CAMSAP3: variants seen among roughly 807,000 people sequenced by gnomAD.
CAMSAP3 encodes calmodulin-regulated spectrin-associated protein 3.
A neutral mutation model predicts 112.5 loss-of-function variants in CAMSAP3; 34 were observed. That is an observed-to-expected ratio of 0.30 (90% CI 0.23 to 0.40). CAMSAP3 has a LOEUF of 0.40. CAMSAP3 is among the 10% of genes least tolerant of loss of function. The pLI, the probability that CAMSAP3 is intolerant of heterozygous loss-of-function variation, is 1.00. For missense variants in CAMSAP3, 1,602 were observed against 1,770.3 expected, an observed-to-expected ratio of 0.90 and a Z score of 1.71; for synonymous variants, 868 against 799.8, an observed-to-expected ratio of 1.09 and a Z score of -1.44.
chr19:7,598,490 G>A (rs959704186), intron 1 of CAMSAP3, among the ~76,000 whole-genome samples: 1 of 152,174 alleles, frequency 6.6e-6, no homozygotes, highest in African/African-American at 2.4e-5. Flanking sequence ...TGATGGCTCA[G>A]AGGAAGGGAT....
rs968541271 is a variant in CAMSAP3 at position 7,595,906 on chromosome 19, C to T, written c.-97C>T. 14 of 534,550 alleles carry T rather than the reference C, an allele frequency of 2.6e-5. No homozygotes were observed. In the East Asian group the frequency reaches 1.0e-3, roughly 38 times the overall value. The allele number at this position is 534,550 out of a possible 1,614,324, so 33.1% of individuals were successfully genotyped here. On this transcript the variant is annotated 5_prime_UTR_variant, in exon 1 of 17. Transcript: ENST00000160298. ...GCGGCGGCGGCGGCGGCGGCAGCGG[C>T]GGTAGCAGCAGCGGGCCCGGCTGGG... is the stretch of plus-strand genomic sequence containing the variant.
Position 7,607,562 on chromosome 19 carries a change from TC to T in CAMSAP3, c.622-563del, listed in dbSNP as rs2030281634. Among the ~76,000 whole-genome samples the T allele has an allele frequency of 6.6e-6, 1 of 152,074 alleles. No homozygotes were observed. The highest frequency in any genetic ancestry group is 2.4e-5 in the African/African-American group (1 of 41,414). On this transcript the variant is annotated intron_variant, in intron 4 of 16. Coordinates refer to ENST00000160298, the MANE Select transcript of CAMSAP3 (RefSeq NM_020902.2). The surrounding 1 kb of genome is among the most constrained non-coding windows in gnomAD (Gnocchi z 4.9). The stretch of plus-strand genomic sequence containing the variant: ...GTTCCCTTCCTGCCTACCCGCTTCC[TC>T]TGCATCCTCTCCCCAAGCTGGGGGC...
In CAMSAP3 at chr19:7,608,103, C is replaced by T. The variant is rs571937717; in HGVS notation, c.622-23C>T. 6.2e-6 allele frequency: 10 copies of T among 1,606,414 alleles called. No individual in the cohort carries two copies. In the South Asian group the frequency reaches 9.9e-5, roughly 16 times the overall value. On this transcript the variant is annotated intron_variant, in intron 4 of 16. Coordinates refer to ENST00000160298, the MANE Select transcript of CAMSAP3 (RefSeq NM_020902.2). The stretch of plus-strand genomic sequence containing the variant: ...CCCTGGGGGCCAGCCTGGCCACTCA[C>T]CTGACCTGGCTCCCATCTGCAGATC...
rs1296674291 is a variant in CAMSAP3, at chr19:7,612,605, C to G, written c.2112C>G (p.Ser704Arg). 1 of 1,530,944 alleles carries G rather than the reference C, an allele frequency of 6.5e-7. No individual in the cohort carries two copies. Among genetic ancestry groups the G allele is most frequent in the Admixed American group, 2.0e-5 (1 of 50,760 alleles). 94.8% of individuals were successfully genotyped at this position (1,530,944 alleles called of 1,614,324 possible). A position where few individuals can be genotyped will look rare whatever the true frequency, so the allele number is the denominator to read the frequency against. The change falls in exon 11 of 17, where the codon AGC becomes AGG. Residue 704 changes from serine to arginine, a missense_variant. This residue lies in a region of CAMSAP3 where 1,100 missense variants were observed against 1,135.7 expected (regional missense o/e 0.97). Transcript: ENST00000160298. The part of the protein sequence containing the change: ...EGLGEYNRAV[S>R]KLSAALSSLQ... The stretch of plus-strand genomic sequence containing the variant: ...TGGGGGAATACAATCGAGCGGTCAG[C>G]AAGCTGAGTGCCGCCTTGAGCTCGC...
Position 7,606,704 on chromosome 19 carries a change from C to T in CAMSAP3, c.621+133C>T, listed in dbSNP as rs1599351333. On this transcript the variant is annotated intron_variant, in intron 4 of 16. Transcript: ENST00000160298. Reference sequence around the variant, plus strand: ...ACACTCTCTCTTTCTTCCCCCCTCTCTCAATCTCTCTGTGCCCTGCCCGTC... The same window carrying T: ...ACACTCTCTCTTTCTTCCCCCCTCTTTCAATCTCTCTGTGCCCTGCCCGTC... 5.0e-6 allele frequency: 8 copies of T among 1,602,876 alleles called. No homozygotes were observed. In the East Asian group the frequency reaches 1.8e-4, roughly 36 times the overall value.
intron 11 of CAMSAP3, chr19:7,614,814 A>G: frequency 3.0e-6 from 1 of 338,612 alleles, no homozygotes; most frequent in Non-Finnish European, 5.6e-6. Context: ...TTAAATCCTG[A>G]TCATTCTACA....
chr19:7,605,463 A>G lies in CAMSAP3; in HGVS notation c.386A>G (p.His129Arg). Reference protein sequence around the residue: ...ERPVREADLRHQPILMGAHLA... With the variant: ...ERPVREADLRRQPILMGAHLA... ...CCGGTGCGCGAGGCCGACCTGAGGC[A>G]CCAGCCCATTCTCATGGTAGGCCCC... Residue 129 changes from histidine (H) to arginine (R), a missense_variant, in exon 2 of 17, where the codon CAC (histidine) becomes CGC (arginine). Transcript: ENST00000160298. 1 of 1,456,746 alleles carries G rather than the reference A, an allele frequency of 6.9e-7. No homozygotes were observed. The highest frequency in any genetic ancestry group is 2.6e-5 in the East Asian group (1 of 38,062). The allele number at this position is 1,456,746 out of a possible 1,614,324, so 90.2% of individuals were successfully genotyped here.
intron 14 of CAMSAP3, among the ~76,000 whole-genome samples, chr19:7,616,958 T>TTTTTTTTTTTA (rs2030840995): frequency 6.9e-6 from 1 of 145,312 alleles, no homozygotes; most frequent in Non-Finnish European, 1.5e-5. Context: ...TTTTTTTTTT[T>TTTTTTTTTTTA]GTTTTTTTGA....
intron 1 of CAMSAP3, among the ~76,000 whole-genome samples, chr19:7,602,789 G>A (rs2030025980): frequency 6.6e-6 from 1 of 152,058 alleles, no homozygotes; most frequent in African/African-American, 2.4e-5. Context: ...CCTGTGGGAG[G>A]AAGGTTTCTG....
intron 1 of CAMSAP3, among the ~76,000 whole-genome samples, chr19:7,598,096 G>T (rs2024475111): frequency 6.6e-6 from 1 of 152,126 alleles, no homozygotes; most frequent in Non-Finnish European, 1.5e-5. Flanking sequence ...GAGACGGCAG[G>T]GGATGGATAT....
chr19:7,613,135 C>T lies in CAMSAP3; in HGVS notation c.2642C>T (p.Pro881Leu). Residue 881 changes from proline (P) to leucine (L), a missense_variant, in exon 11 of 17, where the codon CCC (proline) becomes CTC (leucine). By Grantham distance (98) the Pro-to-Leu change is moderately conservative (BLOSUM62 -3). Around this residue, in one of 6 missense-constraint regions of CAMSAP3, gnomAD observed 1,100 missense variants for 1,135.7 expected, o/e 0.97. Coordinates refer to ENST00000160298, the MANE Select transcript of CAMSAP3 (RefSeq NM_020902.2). ...LEEEASSEGEPRVGLGFFYKD... is the reference protein window; with the variant it reads ...LEEEASSEGELRVGLGFFYKD... ...GAGGAGGCGTCTTCGGAGGGGGAGC[C>T]CCGGGTGGGGCTGGGGTTCTTCTAC... is the stretch of plus-strand genomic sequence containing the variant. The T allele has an allele frequency of 6.6e-7, 1 of 1,521,090 alleles. No homozygotes were observed. The highest frequency in any genetic ancestry group is 8.8e-7 in the Non-Finnish European group (1 of 1,130,204). The allele number at this position is 1,521,090 out of a possible 1,614,324, so 94.2% of individuals were successfully genotyped here. A position where few individuals can be genotyped will look rare whatever the true frequency, so the allele number is the denominator to read the frequency against.
chr19:7,617,853 G>T lies in CAMSAP3; in HGVS notation c.3546G>T (p.Leu1182=). The change falls in exon 17 of 17, where the codon CTG becomes CTT. Residue 1182 remains leucine (L), a synonymous_variant. Coordinates refer to ENST00000160298, the MANE Select transcript of CAMSAP3 (RefSeq NM_020902.2). The surrounding 1 kb of genome is among the most constrained non-coding windows in gnomAD (Gnocchi z 7.5). ...CGCTGTCGGGGGAGACAGAGGAGCT[G>T]TCGCGGCTGGCAGGGTATGGGCCCC... The part of the protein sequence containing the change: ...LYTLSGETEE[L]SRLAGYGPRT... The T allele has an allele frequency of 6.2e-7, 1 of 1,613,756 alleles. No individual in the cohort carries two copies. The highest frequency in any genetic ancestry group is 8.5e-7 in the Non-Finnish European group (1 of 1,180,020).
rs1398965667 is a variant in CAMSAP3, at chr19:7,612,794, G to A, written c.2301G>A (p.Arg767=). ...CCGCCCGGCGAGTCCCGGCCACCCGGCGCAGCCCTGGGCCCGGGCCCAGCC... is the reference window on the plus strand; with the variant it reads ...CCGCCCGGCGAGTCCCGGCCACCCGACGCAGCCCTGGGCCCGGGCCCAGCC... ...PSPARRVPAT[R]RSPGPGPSQS... The change falls in exon 11 of 17, where the codon CGG becomes CGA. Residue 767 remains arginine, a synonymous_variant. Coordinates refer to ENST00000160298, the MANE Select transcript of CAMSAP3 (RefSeq NM_020902.2). 2 of 1,537,264 alleles carry A rather than the reference G, an allele frequency of 1.3e-6. No individual in the cohort carries two copies. Among genetic ancestry groups the A allele is most frequent in the Non-Finnish European group, 1.7e-6 (2 of 1,147,498 alleles).
chr19:7,617,693 TGGTGGGTG>T lies in CAMSAP3; in HGVS notation c.3444+42_3445-42del, dbSNP rs746922525. On this transcript the variant is annotated intron_variant, in intron 16 of 16. Coordinates refer to ENST00000160298, the MANE Select transcript of CAMSAP3 (RefSeq NM_020902.2). This position sits in a 1 kb window ranked among gnomAD's most constrained non-coding sequence, Gnocchi z 7.5. ...CCGCCCACACGTGGGAGTTGGGGGC[TGGTGGGTG>T]GGTGGGTGGCCTGACTTGGCCAGCT... is the stretch of plus-strand genomic sequence containing the variant. 96 of 1,610,832 alleles carry T rather than the reference TGGTGGGTG, an allele frequency of 6.0e-5. No homozygotes were observed. In the Admixed American group the frequency reaches 6.3e-4, roughly 11 times the overall value.
In CAMSAP3 at chr19:7,607,812, TCC is replaced by T; in HGVS notation, c.622-309_622-308del. On this transcript the variant is annotated intron_variant, in intron 4 of 16. Coordinates refer to ENST00000160298, the MANE Select transcript of CAMSAP3 (RefSeq NM_020902.2). This position sits in a 1 kb window ranked among gnomAD's most constrained non-coding sequence, Gnocchi z 4.9. The stretch of plus-strand genomic sequence containing the variant: ...TCCCCCTTGCTGATGGCTGCTCCTC[TCC>T]CCCCAGCACGCAATTGCCTTCTGTT... 6.2e-6 allele frequency: 8 copies of T among 1,285,012 alleles called. No individual in the cohort carries two copies. Among genetic ancestry groups the T allele is most frequent in the Admixed American group, 2.6e-5 (1 of 37,980 alleles). The allele number at this position is 1,285,012 out of a possible 1,614,324, so 79.6% of individuals were successfully genotyped here. A position where few individuals can be genotyped will look rare whatever the true frequency, so the allele number is the denominator to read the frequency against.
At position 7,615,128 on chromosome 19, in the gene CAMSAP3, C is replaced by A; in HGVS notation, c.2671-55C>A. 6.5e-7 allele frequency: 1 copy of A among 1,547,778 alleles called. No homozygotes were observed. Among genetic ancestry groups the A allele is most frequent in the Non-Finnish European group, 8.7e-7 (1 of 1,144,654 alleles). ...GCAGGCTGGGTGGAGGGAAGATGGG[C>A]CTCCAGCCATGTTGGGGGAGGGGGT... On this transcript the variant is annotated intron_variant, in intron 11 of 16. Coordinates refer to ENST00000160298, the MANE Select transcript of CAMSAP3 (RefSeq NM_020902.2). This position sits in a 1 kb window ranked among gnomAD's most constrained non-coding sequence, Gnocchi z 6.5.
At chr19:7,598,741 T>A (rs1408709677) in intron 1 of CAMSAP3, among the ~76,000 whole-genome samples, 1 of 151,768 alleles carries the variant, frequency 6.6e-6, no homozygotes, top group Non-Finnish European at 1.5e-5. Context: ...GAGCCGAGAT[T>A]GCACCACTGC....
At chr19:7,613,341 G>A (rs772133050) in intron 11 of CAMSAP3, among the ~76,000 whole-genome samples, 178 bp downstream of exon 11, 4 of 149,410 alleles carry the variant, frequency 2.7e-5, no homozygotes, top group Non-Finnish European at 5.9e-5. Context: ...GAGTGGCTGG[G>A]TAAGGCCTCC....
rs1284869267 is a variant in CAMSAP3 at position 7,612,234 on chromosome 19, G to A, written c.1741G>A (p.Ala581Thr). 2 of 1,590,492 alleles carry A rather than the reference G, an allele frequency of 1.3e-6. No individual in the cohort carries two copies. Among genetic ancestry groups the A allele is most frequent in the Non-Finnish European group, 1.7e-6 (2 of 1,169,452 alleles). Residue 581 changes from alanine to threonine, a missense_variant, in exon 11 of 17, where the codon GCC (alanine) becomes ACC (threonine). This residue lies in a region of CAMSAP3 where 1,100 missense variants were observed against 1,135.7 expected (regional missense o/e 0.97). Transcript: ENST00000160298. ...ACAGCTGGTGAAGGCAGAGGCTGAG[G>A]CCGGAGCGGGGTCCCCCACGTCCAC... is the stretch of plus-strand genomic sequence containing the variant. Reference protein sequence around the residue: ...KKQLVKAEAEAGAGSPTSTPA... With the variant: ...KKQLVKAEAETGAGSPTSTPA...
Sources: gnomAD v4.1 joint callset for allele counts (sites outside exome capture counted in the v4.1 genomes callset) on GRCh38, gnomAD v4.1.1 for gene constraint, gnomAD v4.1.1 regional missense constraint, Gnocchi (gnomAD v3.1) non-coding constraint, MANE v1.5 for transcripts, NCBI Gene and HGNC (gene_info 2026-07-23, HGNC 2026-07-21) for gene names.